Variants in ATRNL1 observed in about 807,000 individuals in gnomAD.
ATRNL1 encodes the protein attractin-like protein 1.
A neutral mutation model predicts 182.7 loss-of-function variants in ATRNL1; 95 were observed. The observed-to-expected ratio is 0.52, with a 90% confidence interval of 0.44 to 0.62. The LOEUF (loss-of-function observed/expected upper bound fraction) is 0.62, where lower values mean the gene tolerates loss of function less well. ATRNL1 is among the 20% of genes least tolerant of loss of function. The pLI is 0.00. For missense variants in ATRNL1, 1,471 were observed against 1,679.5 expected, an observed-to-expected ratio of 0.88 and a Z score of 2.17; for synonymous variants, 576 against 568.3, an observed-to-expected ratio of 1.01 and a Z score of -0.19.
At chr10:115,598,105 G>A (rs574181218) in intron 26 of ATRNL1, 1 of 152,550 alleles carries the variant, frequency 6.6e-6, no homozygotes, top group Non-Finnish European at 1.5e-5. Flanking sequence ...TTGCATGGTA[G>A]GTGAGGAAGG....
intron 27 of ATRNL1, among the ~76,000 whole-genome samples, chr10:115,776,245 C>A (rs1949123093): frequency 6.6e-6 from 1 of 152,122 alleles, no homozygotes; most frequent in South Asian, 2.1e-4. Flanking sequence ...TAGACCTTGG[C>A]CTCCAATTAT....
chr10:115,336,246 A>G (rs1364260170), intron 19 of ATRNL1, among the ~76,000 whole-genome samples: 1 of 152,190 alleles, frequency 6.6e-6, no homozygotes, highest in Admixed American at 6.5e-5. Flanking sequence ...TTATGTTCAT[A>G]TGGACCAGGA....
At chr10:115,922,267 T>C (rs577771695) in intron 28 of ATRNL1, among the ~76,000 whole-genome samples, 21 of 152,358 alleles carry the variant, frequency 1.4e-4, no homozygotes, top group Admixed American at 1.4e-3. Flanking sequence ...GGGATCTGTA[T>C]GTTTTAATAA....
At chr10:115,138,776 T>G (rs1259780516) in intron 5 of ATRNL1, among the ~76,000 whole-genome samples, 1 of 152,212 alleles carries the variant, frequency 6.6e-6, no homozygotes, top group Admixed American at 6.5e-5. Context: ...ATTGTCTTGG[T>G]GATTAACATT....
intron 18 of ATRNL1, among the ~76,000 whole-genome samples, chr10:115,317,750 C>G (rs183374379): frequency 2.0e-5 from 3 of 152,186 alleles, no homozygotes; most frequent in African/African-American, 7.2e-5. Flanking sequence ...GATTTTGTAT[C>G]CTGAGACTTT....
At chr10:115,582,138 C>T (rs1158839664) in intron 26 of ATRNL1, among the ~76,000 whole-genome samples, 2 of 151,918 alleles carry the variant, frequency 1.3e-5, no homozygotes, top group Non-Finnish European at 2.9e-5. Flanking sequence ...TTAATCCAGT[C>T]TATCATTGTT....
chr10:115,429,974 G>C (rs932235825), intron 21 of ATRNL1, among the ~76,000 whole-genome samples: 1 of 152,182 alleles, frequency 6.6e-6, no homozygotes, highest in Non-Finnish European at 1.5e-5. Flanking sequence ...CGGAGACTGA[G>C]ATGGGAGAAT....
chr10:115,380,255 GT>G (rs1346611936), intron 19 of ATRNL1, among the ~76,000 whole-genome samples: 2 of 152,110 alleles, frequency 1.3e-5, no homozygotes, highest in African/African-American at 4.8e-5. Flanking sequence ...TTAATCATCT[GT>G]TTTTTCAAAG....
chr10:115,610,474 G>T (rs191307913), intron 26 of ATRNL1, among the ~76,000 whole-genome samples: 1 of 152,174 alleles, frequency 6.6e-6, no homozygotes, highest in Non-Finnish European at 1.5e-5. Flanking sequence ...TTTCTTGCTT[G>T]CACACTCCCC....
chr10:115,741,535 G>A (rs1365158331), intron 27 of ATRNL1, among the ~76,000 whole-genome samples: 1 of 152,134 alleles, frequency 6.6e-6, no homozygotes, highest in Non-Finnish European at 1.5e-5. Flanking sequence ...AGATGCCGAG[G>A]ATCACACAGA....
At chr10:115,506,408 G>T (rs1850114463) in intron 24 of ATRNL1, among the ~76,000 whole-genome samples, 1 of 152,018 alleles carries the variant, frequency 6.6e-6, no homozygotes, top group Non-Finnish European at 1.5e-5. Flanking sequence ...ATGGTAAGGA[G>T]AAATTAAGAC....
chr10:115,806,554 T>A (rs889853139), intron 27 of ATRNL1, among the ~76,000 whole-genome samples: 1 of 152,138 alleles, frequency 6.6e-6, no homozygotes, highest in Admixed American at 6.6e-5. Flanking sequence ...TTTTTATAAT[T>A]CTATAAAGCT....
chr10:115,765,869 A>C (rs181899315), intron 27 of ATRNL1, among the ~76,000 whole-genome samples: 1 of 152,290 alleles, frequency 6.6e-6, no homozygotes, highest in East Asian at 1.9e-4. Flanking sequence ...ACTATATTCA[A>C]CTAGTCCCCC....
chr10:115,818,043 G>T (rs573984132), intron 27 of ATRNL1, among the ~76,000 whole-genome samples: 1 of 151,832 alleles, frequency 6.6e-6, no homozygotes, highest in African/African-American at 2.4e-5. Context: ...CACAGTACTC[G>T]TTCTCCATTC....
intron 19 of ATRNL1, among the ~76,000 whole-genome samples, chr10:115,393,640 G>T (rs1248831029): frequency 6.6e-6 from 1 of 152,092 alleles, no homozygotes; most frequent in East Asian, 1.9e-4. Flanking sequence ...AGAATTAATT[G>T]TAACCTGGAA....
intron 26 of ATRNL1, among the ~76,000 whole-genome samples, chr10:115,671,314 A>G (rs1366786235): frequency 6.6e-6 from 1 of 152,156 alleles, no homozygotes; most frequent in Non-Finnish European, 1.5e-5. Flanking sequence ...TGACTCTGCA[A>G]GATAGACTCC....
intron 21 of ATRNL1, among the ~76,000 whole-genome samples, chr10:115,460,979 T>C (rs1327542932): frequency 6.6e-6 from 1 of 152,114 alleles, no homozygotes; most frequent in African/African-American, 2.4e-5. Context: ...TAAATTCTTA[T>C]ACAAAATATT....
chr10:115,253,819 T>G (rs572263532), intron 10 of ATRNL1, among the ~76,000 whole-genome samples: 1 of 152,170 alleles, frequency 6.6e-6, no homozygotes, highest in Admixed American at 6.5e-5. Flanking sequence ...CCCCATTGTG[T>G]GATGTTCCCC....
At chr10:115,678,610 G>A (rs2804146) in intron 26 of ATRNL1, among the ~76,000 whole-genome samples, 97,035 of 151,960 alleles carry the variant, frequency 0.64, 31,497 homozygotes, top group East Asian at 0.96. Flanking sequence ...CAAATAGCAT[G>A]ATAATAAGTA....
Sources: allele counts gnomAD v4.1 joint callset (sites outside exome capture counted in the v4.1 genomes callset), GRCh38; gene constraint gnomAD v4.1.1; transcripts MANE v1.5; gene names NCBI Gene and HGNC (gene_info 2026-07-23, HGNC 2026-07-21).